CADM2: variants seen among roughly 807,000 people sequenced by gnomAD.
CADM2 encodes immunoglobulin superfamily member 4D.
A neutral mutation model predicts 49.8 loss-of-function variants in CADM2; 12 were observed. The ratio of observed to expected loss-of-function variants is 0.24; its 90% CI spans 0.15 to 0.39. The LOEUF (loss-of-function observed/expected upper bound fraction) is 0.39. CADM2 is among the 10% of genes least tolerant of loss of function. The probability of loss-of-function intolerance (pLI) is 1.00; values close to 1 mark genes in which losing one functional copy is unlikely to be tolerated. For missense variants in CADM2, 378 were observed against 492.3 expected (o/e 0.77, Z 2.20); for synonymous variants, 214 against 175.4 (o/e 1.22, Z -1.74).
At chr3:86,043,783 A>C (rs887290228) in intron 8 of CADM2, among the ~76,000 whole-genome samples, 7 of 152,204 alleles carry the variant, frequency 4.6e-5, no homozygotes, top group Non-Finnish European at 1.0e-4. Flanking sequence ...ATAAAGCTGG[A>C]GGCATCATGC....
intron 3 of CADM2, among the ~76,000 whole-genome samples, chr3:85,874,525 T>C (rs962523234): frequency 6.6e-6 from 1 of 152,134 alleles, no homozygotes; most frequent in African/African-American, 2.4e-5. Flanking sequence ...GATGGTTTTA[T>C]AGTTAGATAT....
At chr3:85,853,310 C>A (rs558518835) in intron 3 of CADM2, among the ~76,000 whole-genome samples, 1 of 151,704 alleles carries the variant, frequency 6.6e-6, no homozygotes, top group Admixed American at 6.6e-5. Flanking sequence ...AAAACAACAA[C>A]AACAACAACA....
intron 1 of CADM2, among the ~76,000 whole-genome samples, chr3:85,695,525 T>C (rs1167414515): frequency 6.6e-6 from 1 of 152,040 alleles, no homozygotes; most frequent in Admixed American, 6.6e-5. Context: ...AGAGATATTA[T>C]TTTATTCATT....
At chr3:85,344,004 A>C (rs141934778) in intron 1 of CADM2, among the ~76,000 whole-genome samples, 14 of 152,336 alleles carry the variant, frequency 9.2e-5, no homozygotes, top group Non-Finnish European at 1.5e-4. Context: ...AAATCTAAAG[A>C]GACAAGTCAT....
chr3:85,191,278 CTT>C (rs1240587569), intron 1 of CADM2, among the ~76,000 whole-genome samples: 4 of 151,844 alleles, frequency 2.6e-5, no homozygotes, highest in Non-Finnish European at 5.9e-5. Context: ...AAAATCATAA[CTT>C]ATTTTTGAGT....
chr3:85,907,565 T>C (rs1343696136), intron 5 of CADM2, among the ~76,000 whole-genome samples: 1 of 152,166 alleles, frequency 6.6e-6, no homozygotes, highest in Non-Finnish European at 1.5e-5. Context: ...TCTAGGCAGA[T>C]GGCTGATAAA....
intron 3 of CADM2, among the ~76,000 whole-genome samples, chr3:85,823,923 A>G (rs1577403233): frequency 6.6e-6 from 1 of 152,156 alleles, no homozygotes; most frequent in Non-Finnish European, 1.5e-5. Flanking sequence ...CAGAAAAATT[A>G]CAGCCCATCC....
At chr3:86,033,310 G>T (rs1373180587) in intron 8 of CADM2, among the ~76,000 whole-genome samples, 1 of 151,868 alleles carries the variant, frequency 6.6e-6, no homozygotes, top group African/African-American at 2.4e-5. Context: ...TCACATTACT[G>T]TTCCTGTTCA....
intron 3 of CADM2, among the ~76,000 whole-genome samples, chr3:85,864,210 C>A (rs2075640798): frequency 6.6e-6 from 1 of 152,124 alleles, no homozygotes; most frequent in South Asian, 2.1e-4. Context: ...TAGTTATAAG[C>A]TTTTCCTCCT....
chr3:85,767,929 G>C (rs2069743163), intron 2 of CADM2, among the ~76,000 whole-genome samples: 1 of 152,072 alleles, frequency 6.6e-6, no homozygotes, highest in Non-Finnish European at 1.5e-5. Flanking sequence ...TTTTGCATCT[G>C]TTGTACAACA....
chr3:85,004,292 C>T (rs1283306009), intron 1 of CADM2, among the ~76,000 whole-genome samples: 1 of 152,136 alleles, frequency 6.6e-6, no homozygotes, highest in Non-Finnish European at 1.5e-5. Context: ...TCATTCTACA[C>T]ATCTGTTCGA....
rs1559644272 is a variant in CADM2, at chr3:85,769,446, GTATATACATATATACATATATAGTA to G, written c.89-32592_89-32568del. On this transcript the variant is annotated intron_variant, in intron 2 of 9. Transcript: ENST00000383699. ...ATATACATATATAGTATATATACACGTATATACATATATACATATATAGTATATATACACGTATATACATATATAC... is the reference window on the plus strand; with the variant it reads ...ATATACATATATAGTATATATACACGTATATACACGTATATACATATATAC... Among the ~76,000 whole-genome samples the G allele has an allele frequency of 3.4e-3, 277 of 81,404 alleles. 7 individuals carry two copies. Among genetic ancestry groups the G allele is most frequent in the Middle Eastern group, 0.015 (1 of 66 alleles). The allele number at this position is 81,404 out of a possible 152,430, so 53.4% of individuals were successfully genotyped here.
intron 6 of CADM2, among the ~76,000 whole-genome samples, chr3:85,925,284 G>T (rs570086087): frequency 3.9e-5 from 6 of 152,078 alleles, no homozygotes; most frequent in African/African-American, 1.2e-4. Context: ...TATTTTTGCA[G>T]ATGTATAACA....
intron 8 of CADM2, 92 bp from the exon 9 acceptor site, chr3:86,065,513 G>A: frequency 7.5e-7 from 1 of 1,328,502 alleles, no homozygotes; most frequent in Middle Eastern, 2.1e-4. Context: ...CAGAAATTGT[G>A]TTAATTTTCA....
intron 3 of CADM2, among the ~76,000 whole-genome samples, chr3:85,828,304 G>A (rs1195874914): frequency 6.6e-6 from 1 of 151,730 alleles, no homozygotes; most frequent in Non-Finnish European, 1.5e-5. Flanking sequence ...ACTTATATAT[G>A]GCTCATAGGA....
chr3:85,153,687 C>G (rs2040007917), intron 1 of CADM2, among the ~76,000 whole-genome samples: 2 of 152,148 alleles, frequency 1.3e-5, no homozygotes. Flanking sequence ...TTAAATGTCC[C>G]TGTCTGACAG....
chr3:85,753,663 A>G (rs2107870073), intron 2 of CADM2, among the ~76,000 whole-genome samples: 1 of 152,326 alleles, frequency 6.6e-6, no homozygotes, highest in South Asian at 2.1e-4. Context: ...ACTAGGAACA[A>G]CATGAGCAGA....
intron 1 of CADM2, among the ~76,000 whole-genome samples, chr3:85,444,727 T>C (rs2037367284): frequency 6.6e-6 from 1 of 152,168 alleles, no homozygotes; most frequent in Non-Finnish European, 1.5e-5. Context: ...TGACTCTGAA[T>C]TTTAGAAAAT....
chr3:85,288,377 C>T (rs2043688646), intron 1 of CADM2, among the ~76,000 whole-genome samples: 2 of 151,902 alleles, frequency 1.3e-5, no homozygotes, highest in African/African-American at 4.8e-5. Flanking sequence ...GTATTATTTC[C>T]ATGGATGATT....
Sources: gnomAD v4.1 joint callset for allele counts (sites outside exome capture counted in the v4.1 genomes callset) on GRCh38, gnomAD v4.1.1 for gene constraint, MANE v1.5 for transcripts, NCBI Gene and HGNC (gene_info 2026-07-23, HGNC 2026-07-21) for gene names.